SYNPO2L: variants seen among roughly 807,000 people sequenced by gnomAD.
SYNPO2L encodes the protein synaptopodin 2 like.
Under a neutral mutation model 47.5 loss-of-function variants are expected in SYNPO2L, and 34 were observed. The ratio of observed to expected loss-of-function variants is 0.72; its 90% CI spans 0.54 to 0.95. The LOEUF (loss-of-function observed/expected upper bound fraction) is 0.95. Among genes scored for constraint, SYNPO2L ranks in the 40% least tolerant of loss-of-function variants. The probability of loss-of-function intolerance (pLI) is 0.00; values close to 1 mark genes in which losing one functional copy is unlikely to be tolerated. For synonymous variants in SYNPO2L, 536 were observed against 524.9 expected (o/e 1.02, Z -0.29); for missense variants, 1,246 against 1,282.0 (o/e 0.97, Z 0.43).
At position 73,647,750 on chromosome 10, in the gene SYNPO2L, C is replaced by A. The variant is rs1400022897; in HGVS notation, c.1902G>T (p.Lys634Asn). ...CCTCCTTTCCCGGCCGGAACATCTG[C>A]TTCCGGGTCCCCCGGCGCCGGGCCT... ...LQEARRRGTR[K>N]QMFRPGKEET... The change falls in exon 4 of 4, where the codon AAG becomes AAT. Residue 634 changes from lysine to asparagine, a missense_variant. Physicochemically the swap from Lys to Asn is moderately conservative, Grantham distance 94 (BLOSUM62 0). Transcript: ENST00000394810. 1 of 1,613,920 alleles carries A rather than the reference C, an allele frequency of 6.2e-7. No homozygotes were observed. The highest frequency in any genetic ancestry group is 1.3e-5 in the African/African-American group (1 of 74,938).
In SYNPO2L at chr10:73,646,585, A is replaced by T; in HGVS notation, c.*133T>A. On this transcript the variant is annotated 3_prime_UTR_variant, in exon 4 of 4. Coordinates refer to ENST00000394810, the MANE Select transcript of SYNPO2L (RefSeq NM_001114133.3). The stretch of plus-strand genomic sequence containing the variant: ...GAGGAGGAAGGTGGGGGAAGGGGAC[A>T]TCAACTTGGAAACCATCTCTGGCAG... The T allele has an allele frequency of 7.6e-7, 1 of 1,323,988 alleles. No individual in the cohort carries two copies. Among genetic ancestry groups the T allele is most frequent in the Admixed American group, 3.0e-5 (1 of 33,288 alleles). The allele number at this position is 1,323,988 out of a possible 1,614,324, so 82.0% of individuals were successfully genotyped here.
Position 73,647,655 on chromosome 10 carries a change from C to G in SYNPO2L, c.1997G>C (p.Gly666Ala). The change falls in exon 4 of 4, where the codon GGG (glycine) becomes GCG (alanine). Residue 666 changes from glycine (G) to alanine (A), a missense_variant. By Grantham distance (60) the Gly-to-Ala change is moderately conservative (BLOSUM62 0). This residue lies in a region of SYNPO2L where 1,037 missense variants were observed against 1,021.5 expected (regional missense o/e 1.02). Coordinates refer to ENST00000394810, the MANE Select transcript of SYNPO2L (RefSeq NM_001114133.3). ...VQNLDEKPRA[G>A]GAESGPEEDA... ...TTCTTCAGGACCAGATTCTGCACCCCCGGCCCGAGGCTTTTCATCCAGGTT... is the reference window on the plus strand; with the variant it reads ...TTCTTCAGGACCAGATTCTGCACCCGCGGCCCGAGGCTTTTCATCCAGGTT... The G allele has an allele frequency of 1.9e-6, 3 of 1,614,156 alleles. No homozygotes were observed. Among genetic ancestry groups the G allele is most frequent in the African/African-American group, 1.3e-5 (1 of 75,052 alleles).
In SYNPO2L at chr10:73,651,100, C is replaced by T. The variant is rs1290254981; in HGVS notation, c.772+2039G>A. The T allele has an allele frequency of 2.1e-6, 3 of 1,437,348 alleles. No individual in the cohort carries two copies. In the East Asian group the frequency reaches 7.9e-5, roughly 38 times the overall value. The allele number at this position is 1,437,348 out of a possible 1,614,324, so 89.0% of individuals were successfully genotyped here. On this transcript the variant is annotated intron_variant, in intron 3 of 3. Coordinates refer to ENST00000394810, the MANE Select transcript of SYNPO2L (RefSeq NM_001114133.3). ...TTTGTCTTGTCCCCAGAGCTGGCAG[C>T]TGAATGAGCTCACTGTGCTATTTTT...
Position 73,648,804 on chromosome 10 carries a change from A to G in SYNPO2L, c.848T>C (p.Leu283Pro). 1.3e-6 allele frequency: 2 copies of G among 1,592,962 alleles called. No individual in the cohort carries two copies. The highest frequency in any genetic ancestry group is 1.7e-6 in the Non-Finnish European group (2 of 1,169,234). ...GTGGGGGTTGGGGGCTGCAGTGAGC[A>G]GGGATGCAATTGTCCTGCATTTGGT... ...AKTKCRTIAS[L>P]LTAAPNPHSK... The change falls in exon 4 of 4, where the codon CTG becomes CCG. Residue 283 changes from leucine to proline, a missense_variant. By Grantham distance (98) the Leu-to-Pro change is moderately conservative. This residue lies in a region of SYNPO2L where 1,037 missense variants were observed against 1,021.5 expected (regional missense o/e 1.02). Transcript: ENST00000394810.
chr10:73,653,955 G>A (rs2081860120), intron 2 of SYNPO2L, 174 bp downstream of exon 2: 1 of 871,452 alleles, frequency 1.1e-6, no homozygotes, highest in African/African-American at 1.7e-5. Context: ...TCCCTTAATT[G>A]CAGATACATT....
intron 3 of SYNPO2L, chr10:73,650,353 A>G (rs1179853822): frequency 2.7e-6 from 2 of 735,948 alleles, no homozygotes; most frequent in Admixed American, 1.3e-4. Flanking sequence ...GAATAGTGGT[A>G]TGGATGAGAC....
chr10:73,655,985 C>T lies in SYNPO2L; in HGVS notation c.-63G>A. 14 of 1,404,588 alleles carry T rather than the reference C, an allele frequency of 1.0e-5. No individual in the cohort carries two copies. The highest frequency in any genetic ancestry group is 1.3e-5 in the Non-Finnish European group (14 of 1,037,144). 87.0% of individuals were successfully genotyped at this position (1,404,588 alleles called of 1,614,324 possible). ...TGTCCCCAGGAGAGAAGTTGAGGTG[C>T]TCGAACCCCGTCTGGGCTTCCTGTC... On this transcript the variant is annotated 5_prime_UTR_variant, in exon 1 of 4. Transcript: ENST00000394810.
chr10:73,655,269 C>T (rs768823948), intron 1 of SYNPO2L, among the ~76,000 whole-genome samples: 1 of 152,120 alleles, frequency 6.6e-6, no homozygotes, highest in African/African-American at 2.4e-5. Context: ...ATGACTTCAT[C>T]TGTGAGGCCA....
rs2081744382 is a variant in SYNPO2L at position 73,646,089 on chromosome 10, G to A, written c.*629C>T. 6 of 985,218 alleles carry A rather than the reference G, an allele frequency of 6.1e-6. No homozygotes were observed. The South Asian group carries it at 1.9e-4, about 31-fold the overall frequency. 61.0% of individuals were successfully genotyped at this position (985,218 alleles called of 1,614,324 possible). A position where few individuals can be genotyped will look rare whatever the true frequency, so the allele number is the denominator to read the frequency against. ...TCCGCCCGCCTCGGCCTCCCAAAGTGCTGGGATTACCGGCGTGAGCCACCG... is the reference window on the plus strand; with the variant it reads ...TCCGCCCGCCTCGGCCTCCCAAAGTACTGGGATTACCGGCGTGAGCCACCG... On this transcript the variant is annotated 3_prime_UTR_variant, in exon 4 of 4. Transcript: ENST00000394810.
In SYNPO2L at chr10:73,648,420, G is replaced by A; in HGVS notation, c.1232C>T (p.Ala411Val). ...STQELARVEPAAMLNGEGLQS... is the reference protein window; with the variant it reads ...STQELARVEPVAMLNGEGLQS... Reference sequence around the variant, plus strand: ...CAGGCCTTCCCCGTTGAGCATGGCTGCTGGTTCGACCCGTGCCAGTTCCTG... The same window carrying A: ...CAGGCCTTCCCCGTTGAGCATGGCTACTGGTTCGACCCGTGCCAGTTCCTG... The change falls in exon 4 of 4, where the codon GCA becomes GTA. Residue 411 changes from alanine to valine, a missense_variant. By Grantham distance (64) the Ala-to-Val change is moderately conservative. Transcript: ENST00000394810. 6.2e-7 allele frequency: 1 copy of A among 1,608,074 alleles called. No individual in the cohort carries two copies. Among genetic ancestry groups the A allele is most frequent in the South Asian group, 1.1e-5 (1 of 91,088 alleles).
rs201100488 is a variant in SYNPO2L, at chr10:73,648,663, G to T, written c.989C>A (p.Thr330Lys). The change falls in exon 4 of 4, where the codon ACG becomes AAG. Residue 330 changes from threonine (T) to lysine (K), a missense_variant. Thr to Lys is a moderately conservative substitution (Grantham distance 78, BLOSUM62 -1). Coordinates refer to ENST00000394810, the MANE Select transcript of SYNPO2L (RefSeq NM_001114133.3). Reference protein sequence around the residue: ...GAEEEDGVPPTSESELDEEAF... With the variant: ...GAEEEDGVPPKSESELDEEAF... ...TTCTTCGTCCAGCTCGGACTCACTC[G>T]TGGGGGGAACGCCGTCCTCCTCCTC... 6.2e-7 allele frequency: 1 copy of T among 1,611,184 alleles called. No individual in the cohort carries two copies. Among genetic ancestry groups the T allele is most frequent in the Non-Finnish European group, 8.5e-7 (1 of 1,177,500 alleles).
rs2081730621 is a variant in SYNPO2L, at chr10:73,644,928, T to C, written c.*1790A>G. On this transcript the variant is annotated 3_prime_UTR_variant, in exon 4 of 4. Coordinates refer to ENST00000394810, the MANE Select transcript of SYNPO2L (RefSeq NM_001114133.3). ...TTCTTGTGCACAAACCAAAGTATTG[T>C]GACTCACACCCAACAAGCAAAGGAA... 1.9e-6 allele frequency: 2 copies of C among 1,077,202 alleles called. No individual in the cohort carries two copies. The highest frequency in any genetic ancestry group is 2.4e-6 in the Non-Finnish European group (2 of 828,072). 66.7% of individuals were successfully genotyped at this position (1,077,202 alleles called of 1,614,324 possible).
Position 73,648,283 on chromosome 10 carries a change from G to C in SYNPO2L, c.1369C>G (p.Pro457Ala). ...TTAAAGATGCTTGGAGCTGGGGTCG[G>C]GGCTCCACCACCTGGTTGGAAGGGT... is the stretch of plus-strand genomic sequence containing the variant. Reference protein sequence around the residue: ...PRPFQPGGGAPTPAPSIFNRS... With the variant: ...PRPFQPGGGAATPAPSIFNRS... Residue 457 changes from proline (P) to alanine (A), a missense_variant, in exon 4 of 4, where the codon CCG (proline) becomes GCG (alanine). Pro to Ala is a conservative substitution (Grantham distance 27). Around this residue, in one of 3 missense-constraint regions of SYNPO2L, gnomAD observed 1,037 missense variants for 1,021.5 expected, o/e 1.02. Coordinates refer to ENST00000394810, the MANE Select transcript of SYNPO2L (RefSeq NM_001114133.3). 1 of 1,602,062 alleles carries C rather than the reference G, an allele frequency of 6.2e-7. No individual in the cohort carries two copies. Among genetic ancestry groups the C allele is most frequent in the Non-Finnish European group, 8.5e-7 (1 of 1,178,906 alleles).
At chr10:73,652,480 C>T (rs2081849235) in intron 3 of SYNPO2L, among the ~76,000 whole-genome samples, 1 of 151,992 alleles carries the variant, frequency 6.6e-6, no homozygotes, top group Non-Finnish European at 1.5e-5. Context: ...ACCAGCCTGA[C>T]CAGTATGGTG....
Position 73,648,719 on chromosome 10 carries a change from C to A in SYNPO2L, c.933G>T (p.Val311=), listed in dbSNP as rs1346556521. The stretch of plus-strand genomic sequence containing the variant: ...CTGTCCCAGCAGCAGCCCCGAAGCT[C>A]ACCAGGGTGTACTTCTTGGCTCTCT... ...RRQRAKKYTL[V]SFGAAAGTGA... is the part of the protein sequence containing the mutation. The change falls in exon 4 of 4, where the codon GTG becomes GTT. Residue 311 remains valine (V), a synonymous_variant. Coordinates refer to ENST00000394810, the MANE Select transcript of SYNPO2L (RefSeq NM_001114133.3). The A allele has an allele frequency of 1.9e-6, 3 of 1,612,110 alleles. No homozygotes were observed. Among genetic ancestry groups the A allele is most frequent in the Non-Finnish European group, 2.5e-6 (3 of 1,178,600 alleles).
rs2132423629 is a variant in SYNPO2L, at chr10:73,653,520, G to A, written c.391C>T (p.Pro131Ser). The A allele has an allele frequency of 6.4e-7, 1 of 1,551,918 alleles. No homozygotes were observed. The highest frequency in any genetic ancestry group is 1.7e-4 in the Middle Eastern group (1 of 5,994). Reference protein sequence around the residue: ...QPLQPGSLRSPPDSEAYYGET... With the variant: ...QPLQPGSLRSSPDSEAYYGET... The stretch of plus-strand genomic sequence containing the variant: ...CCGTAGTAAGCCTCACTATCAGGAG[G>A]TGAACGAAGGCTCCCAGGCTGAAGA... The change falls in exon 3 of 4, where the codon CCT (proline) becomes TCT (serine). Residue 131 changes from proline (P) to serine (S), a missense_variant. Pro to Ser is a moderately conservative substitution (Grantham distance 74). Transcript: ENST00000394810.
intron 3 of SYNPO2L, among the ~76,000 whole-genome samples, chr10:73,652,087 A>C (rs1324123112): frequency 2.8e-5 from 4 of 141,814 alleles, no homozygotes; most frequent in African/African-American, 8.6e-5. Context: ...AAAAAAAAAA[A>C]AAACCAGAAA....
In SYNPO2L at chr10:73,646,750, G is replaced by A; in HGVS notation, c.2902C>T (p.His968Tyr). The part of the protein sequence containing the change: ...FSATRTGLQA[H>Y]VWRPGAGHQ The stretch of plus-strand genomic sequence containing the variant: ...TGCCCTGCCCCAGGCCTCCACACAT[G>A]AGCTTGCAATCCTGTTCTGGTGGCT... Residue 968 changes from histidine to tyrosine, a missense_variant, in exon 4 of 4, where the codon CAT becomes TAT. This residue lies in a region of SYNPO2L where 1,037 missense variants were observed against 1,021.5 expected (regional missense o/e 1.02). Transcript: ENST00000394810. 2 of 1,508,402 alleles carry A rather than the reference G, an allele frequency of 1.3e-6. No homozygotes were observed. The highest frequency in any genetic ancestry group is 1.8e-6 in the Non-Finnish European group (2 of 1,128,846). 93.4% of individuals were successfully genotyped at this position (1,508,402 alleles called of 1,614,324 possible).
Position 73,647,856 on chromosome 10 carries a change from G to A in SYNPO2L, c.1796C>T (p.Pro599Leu), listed in dbSNP as rs1564991245. 2 of 1,542,662 alleles carry A rather than the reference G, an allele frequency of 1.3e-6. No individual in the cohort carries two copies. Among genetic ancestry groups the A allele is most frequent in the Non-Finnish European group, 1.7e-6 (2 of 1,148,822 alleles). The change falls in exon 4 of 4, where the codon CCA (proline) becomes CTA (leucine). Residue 599 changes from proline to leucine, a missense_variant. Physicochemically the swap from Pro to Leu is moderately conservative, Grantham distance 98 (BLOSUM62 -3). Around this residue, in one of 3 missense-constraint regions of SYNPO2L, gnomAD observed 1,037 missense variants for 1,021.5 expected, o/e 1.02. Transcript: ENST00000394810. ...RPSARPEAPA[P>L]GPGAPEPPSA... is the part of the protein sequence containing the mutation. Reference sequence around the variant, plus strand: ...GGGGGGCTCAGGAGCCCCTGGGCCTGGGGCAGGCGCCTCTGGGCGCGCAGA... The same window carrying A: ...GGGGGGCTCAGGAGCCCCTGGGCCTAGGGCAGGCGCCTCTGGGCGCGCAGA...
Sources: allele counts gnomAD v4.1 joint callset (sites outside exome capture counted in the v4.1 genomes callset), GRCh38; gene constraint gnomAD v4.1.1; regional missense constraint gnomAD v4.1.1; transcripts MANE v1.5; gene names NCBI Gene and HGNC (gene_info 2026-07-23, HGNC 2026-07-21).